CFAP77: variants seen among roughly 807,000 people sequenced by gnomAD.
CFAP77 encodes cilia and flagella associated protein 77.
Under a neutral mutation model 31.1 loss-of-function variants are expected in CFAP77, and 25 were observed. The observed-to-expected ratio is 0.80, with a 90% CI of 0.59 to 1.12. The LOEUF is 1.12. Ranked by LOEUF, CFAP77 falls within the 50% of genes most tolerant of loss-of-function variation. The probability of loss-of-function intolerance (pLI) is 0.00; values close to 1 mark genes in which losing one functional copy is unlikely to be tolerated. For synonymous variants in CFAP77, 151 were observed against 159.9 expected (o/e 0.94, Z 0.42); for missense variants, 377 against 397.3 (o/e 0.95, Z 0.44).
chr9:132,422,095 G>T (rs559820239), intron 1 of CFAP77, among the ~76,000 whole-genome samples: 153 of 151,412 alleles, frequency 1.0e-3, no homozygotes, highest in Non-Finnish European at 1.9e-3. Context: ...TGCAACCTCC[G>T]CCACCCAGGT....
At chr9:132,513,483 C>A in intron 3 of CFAP77, 1 of 1,128,164 alleles carries the variant, frequency 8.9e-7, no homozygotes, top group Non-Finnish European at 1.2e-6. Flanking sequence ...GGTTGGAGCA[C>A]GCATGCTTTC....
chr9:132,524,233 G>T (rs1852316593), intron 3 of CFAP77, among the ~76,000 whole-genome samples: 1 of 151,980 alleles, frequency 6.6e-6, no homozygotes, highest in Admixed American at 6.6e-5. Flanking sequence ...AAAATGATTT[G>T]GGAAGCTGTT....
intron 1 of CFAP77, among the ~76,000 whole-genome samples, chr9:132,487,290 G>A (rs1272521106): frequency 6.6e-6 from 1 of 152,120 alleles, no homozygotes; most frequent in East Asian, 1.9e-4. Flanking sequence ...CTGGGAGTCC[G>A]ACTCAGCTCT....
intron 5 of CFAP77, among the ~76,000 whole-genome samples, chr9:132,563,254 T>C (rs1021490709): frequency 3.3e-5 from 5 of 152,162 alleles, no homozygotes; most frequent in Non-Finnish European, 7.4e-5. Flanking sequence ...GTTTAAGCGA[T>C]TCTCCTGCCT....
chr9:132,518,044 G>C (rs78337122), intron 3 of CFAP77, among the ~76,000 whole-genome samples: 9,444 of 152,116 alleles, frequency 0.062, 1,007 homozygotes, highest in African/African-American at 0.22. Context: ...GGGGGTTCCT[G>C]CCAGGTTATC....
At chr9:132,516,768 C>T (rs1179590214) in intron 3 of CFAP77, among the ~76,000 whole-genome samples, 1 of 152,040 alleles carries the variant, frequency 6.6e-6, no homozygotes, top group Non-Finnish European at 1.5e-5. Context: ...TTCGTACAAA[C>T]TGCAAGTGAA....
intron 5 of CFAP77, among the ~76,000 whole-genome samples, chr9:132,548,081 C>T (rs1370652678): frequency 2.0e-5 from 3 of 152,178 alleles, no homozygotes; most frequent in East Asian, 1.9e-4. Flanking sequence ...CTCAAGTACA[C>T]GTTAGGAGAC....
chr9:132,413,664 C>T lies in CFAP77; in HGVS notation c.195+3198C>T, dbSNP rs1438937802. Among the ~76,000 whole-genome samples the T allele has an allele frequency of 3.3e-5, 5 of 152,146 alleles. No individual in the cohort carries two copies. In the South Asian group the frequency reaches 6.2e-4, roughly 19 times the overall value. On this transcript the variant is annotated intron_variant, in intron 1 of 5. Coordinates refer to ENST00000393216, the MANE Select transcript of CFAP77 (RefSeq NM_001282957.2). Reference sequence around the variant, plus strand: ...GTCAGGGTTGCACCTTTCCTGCCATCGGAACTCAGCTGATAACCTGTCAAT... The same window carrying T: ...GTCAGGGTTGCACCTTTCCTGCCATTGGAACTCAGCTGATAACCTGTCAAT...
chr9:132,462,464 T>G lies in CFAP77; in HGVS notation c.196-36231T>G, dbSNP rs184305388. On this transcript the variant is annotated intron_variant, in intron 1 of 5. Coordinates refer to ENST00000393216, the MANE Select transcript of CFAP77 (RefSeq NM_001282957.2). ...TTCCATTACATAGATGTCCCATAAA[T>G]GTAGGCTTCTGTGCCCCCACTCCAA... is the stretch of plus-strand genomic sequence containing the variant. Among the ~76,000 whole-genome samples the G allele has an allele frequency of 9.2e-4, 140 of 152,274 alleles. 1 individual carries two copies. The highest frequency in any genetic ancestry group is 3.3e-3 in the African/African-American group (138 of 41,548).
intron 1 of CFAP77, among the ~76,000 whole-genome samples, chr9:132,451,857 T>C (rs940749118): frequency 3.3e-5 from 5 of 150,362 alleles, no homozygotes; most frequent in African/African-American, 1.2e-4. Flanking sequence ...TAGGCTGGAG[T>C]GCAGTGGTGT....
intron 1 of CFAP77, among the ~76,000 whole-genome samples, chr9:132,483,664 T>C (rs1851488940): frequency 6.6e-6 from 1 of 152,168 alleles, no homozygotes; most frequent in Non-Finnish European, 1.5e-5. Flanking sequence ...CCCACCATAC[T>C]GTCAGAACAG....
intron 1 of CFAP77, among the ~76,000 whole-genome samples, 190 bp downstream of exon 1, chr9:132,410,656 C>G (rs930116157): frequency 2.6e-5 from 4 of 152,204 alleles, no homozygotes; most frequent in African/African-American, 9.7e-5. Context: ...CTCGGTTTCC[C>G]CATCCTCACA....
At chr9:132,449,603 T>C (rs1365135434) in intron 1 of CFAP77, among the ~76,000 whole-genome samples, 1 of 152,228 alleles carries the variant, frequency 6.6e-6, no homozygotes, top group East Asian at 1.9e-4. Context: ...AACATCTGGG[T>C]TGCTCCCAGT....
chr9:132,421,272 G>A (rs182263372), intron 1 of CFAP77, among the ~76,000 whole-genome samples: 34 of 152,076 alleles, frequency 2.2e-4, no homozygotes, highest in Admixed American at 5.2e-4. Flanking sequence ...GATTACAGGC[G>A]TGAGCCACCA....
intron 1 of CFAP77, among the ~76,000 whole-genome samples, chr9:132,411,883 A>G (rs1474652698): frequency 6.6e-6 from 1 of 151,546 alleles, no homozygotes; most frequent in Non-Finnish European, 1.5e-5. Flanking sequence ...ACACACACAC[A>G]CACACACATA....
Position 132,525,022 on chromosome 9 carries a change from A to AT in CFAP77, c.525-12564dup, listed in dbSNP as rs77344020. Among the ~76,000 whole-genome samples, 467 of 134,004 alleles carry AT rather than the reference A, an allele frequency of 3.5e-3. 16 individuals are homozygous for AT. Among genetic ancestry groups the AT allele is most frequent in the South Asian group, 8.4e-3 (33 of 3,946 alleles). The allele number at this position is 134,004 out of a possible 152,430, so 87.9% of individuals were successfully genotyped here. On this transcript the variant is annotated intron_variant, in intron 3 of 5. Coordinates refer to ENST00000393216, the MANE Select transcript of CFAP77 (RefSeq NM_001282957.2). ...TCGATTACCTCTTTATGTGATAGTA[A>AT]TTTTTTTTTTTTTTTGAGATGGAGC...
At chr9:132,439,848 CAA>C (rs1225152331) in intron 1 of CFAP77, among the ~76,000 whole-genome samples, 9 of 44,634 alleles carry the variant, frequency 2.0e-4, no homozygotes, top group East Asian at 6.1e-4. Flanking sequence ...GACTCCGTCT[CAA>C]AAAAAAAAAA....
chr9:132,419,583 T>C (rs1228614592), intron 1 of CFAP77, among the ~76,000 whole-genome samples: 1 of 152,242 alleles, frequency 6.6e-6, no homozygotes, highest in African/African-American at 2.4e-5. Context: ...TTTGGCCGTG[T>C]CACCACATTA....
rs573662100 is a variant in CFAP77, at chr9:132,517,196, G to A, written c.524+17596G>A. ...CCCTCCTCCCAAACCAGCCATCTAC[G>A]GTCTCAGGCCCAGCCTCAGAGGCCA... On this transcript the variant is annotated intron_variant, in intron 3 of 5. Coordinates refer to ENST00000393216, the MANE Select transcript of CFAP77 (RefSeq NM_001282957.2). The surrounding 1 kb of genome is among the most constrained non-coding windows in gnomAD (Gnocchi z 4.7). 2.0e-5 allele frequency among the ~76,000 whole-genome samples: 3 copies of A among 152,246 alleles called. No homozygotes were observed. Among genetic ancestry groups the A allele is most frequent in the South Asian group, 2.1e-4 (1 of 4,822 alleles).
Sources: allele counts gnomAD v4.1 joint callset (sites outside exome capture counted in the v4.1 genomes callset), GRCh38; gene constraint gnomAD v4.1.1; non-coding constraint Gnocchi (gnomAD v3.1); transcripts MANE v1.5; gene names NCBI Gene and HGNC (gene_info 2026-07-23, HGNC 2026-07-21).